Variants in ZNF827 observed in about 807,000 individuals in gnomAD.
The protein encoded by ZNF827 is zinc finger protein 827.
A neutral mutation model predicts 102.4 loss-of-function variants in ZNF827; 13 were observed. That is an observed-to-expected ratio of 0.13 (90% CI 0.08 to 0.20). The LOEUF (loss-of-function observed/expected upper bound fraction) is 0.20. Ranked by LOEUF, ZNF827 falls within the 10% of genes least tolerant of loss-of-function variation. ZNF827 has a pLI of 1.00. For missense variants in ZNF827, 1,103 were observed against 1,344.4 expected, an observed-to-expected ratio of 0.82 and a Z score of 2.81; for synonymous variants, 523 against 536.2, an observed-to-expected ratio of 0.98 and a Z score of 0.34.
At chr4:145,769,825 A>G (rs922613449) in intron 11 of ZNF827, among the ~76,000 whole-genome samples, 31 of 152,228 alleles carry the variant, frequency 2.0e-4, no homozygotes, top group Non-Finnish European at 4.0e-4. Flanking sequence ...AAACAAAACA[A>G]AACCCCTAAA....
chr4:145,882,603 T>G (rs1159162615), intron 4 of ZNF827, among the ~76,000 whole-genome samples: 2 of 152,346 alleles, frequency 1.3e-5, no homozygotes, highest in East Asian at 3.8e-4. Flanking sequence ...ATCATCTTTA[T>G]GCTTAGTTTT....
chr4:145,845,902 C>T (rs867316638), intron 7 of ZNF827, 54 bp downstream of exon 7: 38 of 1,580,112 alleles, frequency 2.4e-5, no homozygotes, highest in Middle Eastern at 1.7e-4. Flanking sequence ...ACATGTAGTA[C>T]GGGCTGGTGG....
chr4:145,814,450 G>A (rs1742362114), intron 8 of ZNF827, among the ~76,000 whole-genome samples: 1 of 152,118 alleles, frequency 6.6e-6, no homozygotes, highest in Non-Finnish European at 1.5e-5. Flanking sequence ...TCTCACTCTT[G>A]AGGTAGGAAA....
At chr4:145,908,491 C>T (rs1752046782) in intron 1 of ZNF827, among the ~76,000 whole-genome samples, 1 of 152,172 alleles carries the variant, frequency 6.6e-6, no homozygotes, top group African/African-American at 2.4e-5. Flanking sequence ...GTAAGTTTTC[C>T]CTTTCCTACT....
chr4:145,919,511 T>C (rs1467655718), intron 1 of ZNF827, among the ~76,000 whole-genome samples: 1 of 152,238 alleles, frequency 6.6e-6, no homozygotes, highest in Non-Finnish European at 1.5e-5. Flanking sequence ...CTCAGAGACC[T>C]GGTTCCACTT....
chr4:145,835,604 T>C (rs1744749123), intron 7 of ZNF827, among the ~76,000 whole-genome samples: 1 of 150,304 alleles, frequency 6.7e-6, no homozygotes. Flanking sequence ...AAGCCTCCTT[T>C]GCGTCCTCCT....
chr4:145,931,486 C>T (rs979602932), intron 1 of ZNF827, among the ~76,000 whole-genome samples: 1 of 152,164 alleles, frequency 6.6e-6, no homozygotes, highest in Non-Finnish European at 1.5e-5. Flanking sequence ...TAAGAGAAAA[C>T]CTAAAATCTA....
chr4:145,919,870 T>C (rs1752936358), intron 1 of ZNF827, among the ~76,000 whole-genome samples: 1 of 152,228 alleles, frequency 6.6e-6, no homozygotes, highest in Non-Finnish European at 1.5e-5. Context: ...CAATAAGTTT[T>C]GTATAGCAGA....
chr4:145,839,469 G>GAACTTAGTCTTCTCTGCAGTA (rs1745206593), intron 7 of ZNF827: 1 of 152,244 alleles, frequency 6.6e-6, no homozygotes, highest in African/African-American at 2.4e-5. Context: ...CAGAACGGAT[G>GAACTTAGTCTTCTCTGCAGTA]AACTTAGTCT....
intron 7 of ZNF827, among the ~76,000 whole-genome samples, chr4:145,828,687 T>C (rs1007401024): frequency 2.0e-5 from 3 of 152,126 alleles, no homozygotes; most frequent in Non-Finnish European, 4.4e-5. Context: ...CTGTGGAAAG[T>C]ATATTTTGAT....
chr4:145,835,049 A>T (rs910430577), intron 7 of ZNF827: 1 of 152,188 alleles, frequency 6.6e-6, no homozygotes, highest in Non-Finnish European at 1.5e-5. Context: ...TGGGCCAAGG[A>T]ATGCCCGCAG....
chr4:145,822,985 G>A (rs547447930), intron 8 of ZNF827, among the ~76,000 whole-genome samples: 82 of 152,314 alleles, frequency 5.4e-4, no homozygotes, highest in African/African-American at 1.4e-3. Flanking sequence ...GAGCTGTCTC[G>A]TTTCCATGCA....
chr4:145,860,287 T>C (rs1373218448), intron 5 of ZNF827, among the ~76,000 whole-genome samples: 2 of 152,194 alleles, frequency 1.3e-5, no homozygotes, highest in South Asian at 2.1e-4. Flanking sequence ...GGGCTCTTAA[T>C]GCACCTTTGG....
Position 145,894,095 on chromosome 4 carries a change from T to A in ZNF827, c.1094-1680A>T, listed in dbSNP as rs7667364. Among the ~76,000 whole-genome samples the A allele has an allele frequency of 3.9e-3, 597 of 152,252 alleles. 5 individuals are homozygous for A. Among genetic ancestry groups the A allele is most frequent in the African/African-American group, 0.014 (563 of 41,544 alleles). On this transcript the variant is annotated intron_variant, in intron 2 of 14. Transcript: ENST00000508784. ...CAATTGTTTCTGTTAGATGTGACAG[T>A]GGAATTGTGGTTATTTTTTTAAGTC...
Position 145,820,554 on chromosome 4 carries a change from AG to A in ZNF827, c.2383+2867del, listed in dbSNP as rs879219823. 4.6e-5 allele frequency among the ~76,000 whole-genome samples: 7 copies of A among 152,336 alleles called. No homozygotes were observed. In the South Asian group the frequency reaches 1.5e-3, roughly 32 times the overall value. On this transcript the variant is annotated intron_variant, in intron 8 of 14. Coordinates refer to ENST00000508784, the MANE Select transcript of ZNF827 (RefSeq NM_001306215.2). ...AAATTATTTTCTACCTAGTCACTAA[AG>A]CCAGCTGTCTCCTTTCTGGCTTCCC...
chr4:145,825,941 C>T (rs2126510152), intron 7 of ZNF827, among the ~76,000 whole-genome samples: 1 of 152,296 alleles, frequency 6.6e-6, no homozygotes, highest in Non-Finnish European at 1.5e-5. Context: ...TAAAAATGCA[C>T]AAAAGGGCTG....
chr4:145,786,482 A>T (rs978302190), intron 8 of ZNF827, among the ~76,000 whole-genome samples: 14 of 152,240 alleles, frequency 9.2e-5, no homozygotes, highest in African/African-American at 3.4e-4. Flanking sequence ...CCATTGTGAC[A>T]TATGGTATTT....
At chr4:145,914,542 T>A (rs1164547402) in intron 1 of ZNF827, among the ~76,000 whole-genome samples, 1 of 152,220 alleles carries the variant, frequency 6.6e-6, no homozygotes, top group Non-Finnish European at 1.5e-5. Context: ...TGCTATCAAG[T>A]GGTCAAATGT....
intron 5 of ZNF827, among the ~76,000 whole-genome samples, chr4:145,851,814 AGAG>A (rs746894850): frequency 6.6e-6 from 1 of 152,054 alleles, no homozygotes; most frequent in East Asian, 1.9e-4. Context: ...AAATAAAAAA[AGAG>A]AAGAAGAAGA....
Sources: allele counts gnomAD v4.1 joint callset (sites outside exome capture counted in the v4.1 genomes callset), GRCh38; gene constraint gnomAD v4.1.1; transcripts MANE v1.5; gene names NCBI Gene and HGNC (gene_info 2026-07-23, HGNC 2026-07-21).